RFX7: variants seen among roughly 807,000 people sequenced by gnomAD.
RFX7 encodes DNA-binding protein RFX7.
In RFX7, 26 loss-of-function variants were observed where a neutral mutation model predicts 111.8. The observed-to-expected ratio is 0.23, with a 90% CI of 0.17 to 0.32. The LOEUF is 0.32. RFX7 is among the 10% of genes least tolerant of loss of function. The pLI is 1.00. For synonymous variants in RFX7, 624 were observed against 624.4 expected (o/e 1.00, Z 0.01); for missense variants, 1,573 against 1,772.9 (o/e 0.89, Z 2.02).
chr15:56,117,278 A>T (rs1451299590), intron 5 of RFX7, among the ~76,000 whole-genome samples: 1 of 152,164 alleles, frequency 6.6e-6, no homozygotes, highest in Non-Finnish European at 1.5e-5. Context: ...TGGGCCTTAG[A>T]GAACAAGTAG....
At chr15:56,103,505 A>T (rs754999728) in intron 6 of RFX7, 49 bp downstream of exon 6, 1 of 1,174,008 alleles carries the variant, frequency 8.5e-7, no homozygotes, top group East Asian at 2.5e-5. Context: ...ATGTTCTATA[A>T]CAAGTGAGAA....
rs2041708241 is a variant in RFX7, at chr15:56,098,240, T to A, written c.948A>T (p.Gln316His). Residue 316 changes from glutamine to histidine, a missense_variant, in exon 9 of 10, where the codon CAA becomes CAT. Transcript: ENST00000559447. ...GCAAAGGGGATTGTAGTTTCTGTTC[T>A]TGCTGCTTCTTCTGGATTTTCCGTT... ...QLQRKIQKKQ[Q>H]EQKLQSPLPG... 2 of 1,613,878 alleles carry A rather than the reference T, an allele frequency of 1.2e-6. No individual in the cohort carries two copies. The highest frequency in any genetic ancestry group is 1.7e-6 in the Non-Finnish European group (2 of 1,179,860).
Position 56,093,576 on chromosome 15 carries a change from G to A in RFX7, c.4152C>T (p.Ile1384=). ...TNTASDFSSD[I]RLSSELSGSI... Reference sequence around the variant, plus strand: ...TGCCTGAGAGCTCAGAAGACAACCTGATATCGCTAGAGAAATCAGATGCAG... The same window carrying A: ...TGCCTGAGAGCTCAGAAGACAACCTAATATCGCTAGAGAAATCAGATGCAG... Residue 1384 remains isoleucine (I), a synonymous_variant, in exon 10 of 10, where the codon ATC becomes ATT. Coordinates refer to ENST00000559447, the MANE Select transcript of RFX7 (RefSeq NM_022841.7). 6.2e-7 allele frequency: 1 copy of A among 1,613,666 alleles called. No homozygotes were observed. The highest frequency in any genetic ancestry group is 8.5e-7 in the Non-Finnish European group (1 of 1,179,672).
rs2043740195 is a variant in RFX7, at chr15:56,243,433, C to G, written c.-3+12G>C. 16 of 1,144,316 alleles carry G rather than the reference C, an allele frequency of 1.4e-5. No individual in the cohort carries two copies. The highest frequency in any genetic ancestry group is 1.7e-5 in the Non-Finnish European group (16 of 918,346). 70.9% of individuals were successfully genotyped at this position (1,144,316 alleles called of 1,614,324 possible). A position where few individuals can be genotyped will look rare whatever the true frequency, so the allele number is the denominator to read the frequency against. ...AGGAGGAGGAAGGAAGCTGGATAAG[C>G]TAGGCCTTTACCCCAGGGCTCGAGT... On this transcript the variant is annotated intron_variant, in intron 1 of 9. Coordinates refer to ENST00000559447, the MANE Select transcript of RFX7 (RefSeq NM_022841.7).
chr15:56,161,142 A>G (rs1026592332), intron 3 of RFX7, among the ~76,000 whole-genome samples: 6 of 152,130 alleles, frequency 3.9e-5, no homozygotes, highest in Admixed American at 2.0e-4. Context: ...AGAACAGTTA[A>G]GGAAAAGTGA....
chr15:56,128,435 A>G (rs2042172528), intron 5 of RFX7, among the ~76,000 whole-genome samples: 1 of 152,214 alleles, frequency 6.6e-6, no homozygotes, highest in Non-Finnish European at 1.5e-5. Context: ...AACATATAAA[A>G]ATAATAATGT....
chr15:56,193,100 G>A, intron 2 of RFX7: 1 of 248,710 alleles, frequency 4.0e-6, no homozygotes, highest in South Asian at 6.8e-5. Context: ...TTTATATTTT[G>A]CCAAGATGTC....
At chr15:56,120,337 A>C (rs2042060747) in intron 5 of RFX7, among the ~76,000 whole-genome samples, 1 of 152,180 alleles carries the variant, frequency 6.6e-6, no homozygotes, top group Non-Finnish European at 1.5e-5. Context: ...TGATTTTTGT[A>C]TGTTGATATT....
At chr15:56,162,658 A>T (rs2042735243) in intron 3 of RFX7, among the ~76,000 whole-genome samples, 1 of 152,056 alleles carries the variant, frequency 6.6e-6, no homozygotes, top group Non-Finnish European at 1.5e-5. Flanking sequence ...AAAAACATTA[A>T]TAACCATGTT....
intron 5 of RFX7, among the ~76,000 whole-genome samples, chr15:56,114,249 C>T (rs545848369): frequency 1.3e-5 from 2 of 150,702 alleles, no homozygotes; most frequent in Admixed American, 6.6e-5. Context: ...ATTAAAAATA[C>T]AGAAAAAAAA....
At chr15:56,152,575 C>T (rs2042587201) in intron 3 of RFX7, among the ~76,000 whole-genome samples, 1 of 151,968 alleles carries the variant, frequency 6.6e-6, no homozygotes, top group Non-Finnish European at 1.5e-5. Flanking sequence ...AAATTTATAG[C>T]ACTAAATGCC....
intron 3 of RFX7, among the ~76,000 whole-genome samples, chr15:56,174,430 A>T (rs562701176): frequency 1.3e-5 from 2 of 152,294 alleles, no homozygotes; most frequent in East Asian, 3.9e-4. Flanking sequence ...TAGTAAGTAT[A>T]GAAAAATTGT....
chr15:56,116,536 T>C (rs1267030789), intron 5 of RFX7, among the ~76,000 whole-genome samples: 3 of 152,152 alleles, frequency 2.0e-5, no homozygotes, highest in African/African-American at 7.2e-5. Context: ...TCTGTGTCAG[T>C]AGAAAATGAG....
At chr15:56,237,020 A>G (rs1050275990) in intron 2 of RFX7, among the ~76,000 whole-genome samples, 5 of 151,930 alleles carry the variant, frequency 3.3e-5, no homozygotes, top group Non-Finnish European at 5.9e-5. Flanking sequence ...AAACACTGAC[A>G]AATCCTAATA....
intron 2 of RFX7, among the ~76,000 whole-genome samples, chr15:56,201,322 T>C (rs2043191251): frequency 6.6e-6 from 1 of 152,200 alleles, no homozygotes; most frequent in African/African-American, 2.4e-5. Flanking sequence ...ACAGAACTTT[T>C]CTTATCACAA....
At chr15:56,170,144 C>A (rs1315287058) in intron 3 of RFX7, among the ~76,000 whole-genome samples, 1 of 152,128 alleles carries the variant, frequency 6.6e-6, no homozygotes, top group Non-Finnish European at 1.5e-5. Context: ...GTTCATGTGC[C>A]TCTGGGTATA....
Position 56,094,805 on chromosome 15 carries a change from G to T in RFX7, c.2923C>A (p.Leu975Met). The T allele has an allele frequency of 6.3e-7, 1 of 1,593,034 alleles. No homozygotes were observed. Among genetic ancestry groups the T allele is most frequent in the South Asian group, 1.1e-5 (1 of 87,916 alleles). Residue 975 changes from leucine to methionine, a missense_variant, in exon 10 of 10, where the codon CTG becomes ATG. By Grantham distance (15) the Leu-to-Met change is conservative (BLOSUM62 2). Around this residue, in one of 7 missense-constraint regions of RFX7, gnomAD observed 625 missense variants for 632.2 expected, o/e 0.99. Transcript: ENST00000559447. ...CTGGAGCAAGGGCTCTCCCGTGACA[G>T]ACTCTGAGATCCAGCAATCATTTCA... The part of the protein sequence containing the change: ...TSEMIAGSQS[L>M]SRESPCSRLA...
At chr15:56,166,185 G>A (rs1037651128) in intron 3 of RFX7, among the ~76,000 whole-genome samples, 1 of 152,074 alleles carries the variant, frequency 6.6e-6, no homozygotes, top group Non-Finnish European at 1.5e-5. Flanking sequence ...CATGAGCCAC[G>A]GCAACCAGCC....
intron 3 of RFX7, among the ~76,000 whole-genome samples, chr15:56,178,513 G>T (rs559923141): frequency 1.3e-5 from 2 of 152,202 alleles, no homozygotes; most frequent in Middle Eastern, 3.4e-3. Context: ...AGTCACAAGT[G>T]GGGAAAGAGA....
Sources: gnomAD v4.1 joint callset for allele counts (sites outside exome capture counted in the v4.1 genomes callset) on GRCh38, gnomAD v4.1.1 for gene constraint, gnomAD v4.1.1 regional missense constraint, MANE v1.5 for transcripts, NCBI Gene and HGNC (gene_info 2026-07-23, HGNC 2026-07-21) for gene names.